The following SEPTIN11 variants were observed in gnomAD, a reference collection of about 807,000 sequenced individuals.
The protein encoded by SEPTIN11 is septin-11.
A neutral mutation model predicts 51.4 loss-of-function variants in SEPTIN11; 25 were observed. That is an observed-to-expected ratio of 0.49 (90% CI 0.35 to 0.68). The LOEUF (loss-of-function observed/expected upper bound fraction) is 0.68. Among genes scored for constraint, SEPTIN11 ranks in the 30% least tolerant of loss-of-function variants. SEPTIN11 has a pLI of 0.00. For synonymous variants in SEPTIN11, 174 were observed against 184.1 expected (o/e 0.95, Z 0.44); for missense variants, 381 against 520.8 (o/e 0.73, Z 2.61).
Position 77,038,308 on chromosome 4 carries a change from G to T in SEPTIN11, c.*3796G>T. The T allele has an allele frequency of 1.0e-6, 1 of 985,578 alleles. No individual in the cohort carries two copies. Among genetic ancestry groups the T allele is most frequent in the South Asian group, 4.7e-5 (1 of 21,278 alleles). 61.1% of individuals were successfully genotyped at this position (985,578 alleles called of 1,614,324 possible). On this transcript the variant is annotated 3_prime_UTR_variant, in exon 10 of 10. Transcript: ENST00000264893. ...TGATATGCCTTAAACTGTAGTTGTA[G>T]ATCCTTGTCATTTTGCTGTTTGAAA...
intron 1 of SEPTIN11, among the ~76,000 whole-genome samples, chr4:76,964,432 T>C (rs72858635): frequency 0.011 from 1,605 of 152,108 alleles, 22 homozygotes; most frequent in African/African-American, 0.037. Flanking sequence ...CCAAATTATT[T>C]TGAAGCAAAT....
chr4:76,983,853 C>G (rs1027396172), intron 1 of SEPTIN11, among the ~76,000 whole-genome samples: 21 of 152,060 alleles, frequency 1.4e-4, no homozygotes, highest in African/African-American at 4.6e-4. Context: ...ACTAAAAATA[C>G]AAAAATTAGC....
chr4:76,958,493 CACAT>C (rs1434747776), intron 1 of SEPTIN11, among the ~76,000 whole-genome samples: 5 of 152,228 alleles, frequency 3.3e-5, no homozygotes, highest in South Asian at 2.1e-4. Flanking sequence ...TCCCAGGACT[CACAT>C]GCATGCAAGT....
Position 77,038,365 on chromosome 4 carries a change from A to C in SEPTIN11, c.*3853A>C. The C allele has an allele frequency of 1.0e-6, 1 of 985,886 alleles. No homozygotes were observed. 61.1% of individuals were successfully genotyped at this position (985,886 alleles called of 1,614,324 possible). A position where few individuals can be genotyped will look rare whatever the true frequency, so the allele number is the denominator to read the frequency against. On this transcript the variant is annotated 3_prime_UTR_variant, in exon 10 of 10. Coordinates refer to ENST00000264893, the MANE Select transcript of SEPTIN11 (RefSeq NM_018243.4). ...AATGTGTTTTCTAAAACTGTCGTGT[A>C]ATCTACTTTCATTGTTAATGCAGAA...
intron 5 of SEPTIN11, among the ~76,000 whole-genome samples, chr4:77,016,872 G>C (rs1248188724): frequency 1.3e-5 from 2 of 151,582 alleles, no homozygotes; most frequent in African/African-American, 4.8e-5. Context: ...GATATTATAA[G>C]TAATTTAGAG....
chr4:76,962,849 A>G (rs1721879793), intron 1 of SEPTIN11, among the ~76,000 whole-genome samples: 1 of 151,874 alleles, frequency 6.6e-6, no homozygotes, highest in African/African-American at 2.4e-5. Context: ...ACACTCACAT[A>G]CCCCACATGG....
intron 1 of SEPTIN11, among the ~76,000 whole-genome samples, chr4:76,968,360 G>A (rs1722112820): frequency 6.6e-6 from 1 of 152,130 alleles, no homozygotes; most frequent in African/African-American, 2.4e-5. Context: ...TGAGGCCTAA[G>A]GACTTAAGTT....
chr4:76,991,601 C>T (rs1204539540), intron 1 of SEPTIN11, among the ~76,000 whole-genome samples: 1 of 152,206 alleles, frequency 6.6e-6, no homozygotes, highest in Non-Finnish European at 1.5e-5. Flanking sequence ...CAGAAGGGTT[C>T]TGCAAGCTGG....
chr4:76,977,209 A>G (rs540310730), intron 1 of SEPTIN11, among the ~76,000 whole-genome samples: 1 of 134,990 alleles, frequency 7.4e-6, no homozygotes, highest in Non-Finnish European at 1.5e-5. Context: ...TACACTTACA[A>G]AAATATTACT....
intron 1 of SEPTIN11, among the ~76,000 whole-genome samples, chr4:76,983,126 A>T (rs188871537): frequency 1.3e-5 from 2 of 152,230 alleles, no homozygotes; most frequent in East Asian, 1.9e-4. Flanking sequence ...AGAACTTGTG[A>T]ATATCACTCC....
rs893177322 is a variant in SEPTIN11, at chr4:76,949,812, C to A, written c.-92C>A. On this transcript the variant is annotated 5_prime_UTR_variant, in exon 1 of 10. Coordinates refer to ENST00000264893, the MANE Select transcript of SEPTIN11 (RefSeq NM_018243.4). ...GAGCAGAGCGCAGCCGCGAGGGAGG[C>A]GCGAGGGAGGCGAGCCGGAGCCCGA... The A allele has an allele frequency of 1.4e-6, 2 of 1,382,032 alleles. No homozygotes were observed. The highest frequency in any genetic ancestry group is 1.5e-5 in the African/African-American group (1 of 66,104). 85.6% of individuals were successfully genotyped at this position (1,382,032 alleles called of 1,614,324 possible). A position where few individuals can be genotyped will look rare whatever the true frequency, so the allele number is the denominator to read the frequency against.
chr4:76,958,716 G>C, intron 1 of SEPTIN11: 1 of 543,042 alleles, frequency 1.8e-6, no homozygotes, highest in Non-Finnish European at 3.3e-6. Flanking sequence ...GGTTTTTGTT[G>C]TTGTTGTTGT....
At position 77,036,732 on chromosome 4, in the gene SEPTIN11, TTC is replaced by T; in HGVS notation, c.*2222_*2223del. On this transcript the variant is annotated 3_prime_UTR_variant, in exon 10 of 10. Transcript: ENST00000264893. ...CCTGTTTAGTTTGTTATTGCTGCTT[TTC>T]TTTTTTCTTTCTGTATCTATGCCTT... The T allele has an allele frequency of 6.5e-7, 1 of 1,535,452 alleles. No homozygotes were observed. Among genetic ancestry groups the T allele is most frequent in the Non-Finnish European group, 8.7e-7 (1 of 1,146,806 alleles).
chr4:77,024,677 A>G lies in SEPTIN11; in HGVS notation c.954-3952A>G, dbSNP rs1413676041. Among the ~76,000 whole-genome samples the G allele has an allele frequency of 6.6e-6, 1 of 152,150 alleles. No homozygotes were observed. Among genetic ancestry groups the G allele is most frequent in the African/African-American group, 2.4e-5 (1 of 41,424 alleles). ...CAGAGGCCAACGAGGTCCAGGCCCC[A>G]GAGACTCACTTGTTTTTAGGAGTGC... is the stretch of plus-strand genomic sequence containing the variant. On this transcript the variant is annotated intron_variant, in intron 7 of 9. Coordinates refer to ENST00000264893, the MANE Select transcript of SEPTIN11 (RefSeq NM_018243.4). The surrounding 1 kb of genome is among the most constrained non-coding windows in gnomAD (Gnocchi z 4.2).
At chr4:76,994,900 CT>C (rs55728971) in intron 1 of SEPTIN11, among the ~76,000 whole-genome samples, 21,087 of 54,540 alleles carry the variant, frequency 0.39, 2,909 homozygotes, top group Non-Finnish European at 0.46. Flanking sequence ...CTGTACAAAG[CT>C]TTTTTTTTTT....
At chr4:77,012,899 G>A (rs1016581708) in intron 4 of SEPTIN11, among the ~76,000 whole-genome samples, 1 of 152,222 alleles carries the variant, frequency 6.6e-6, no homozygotes, top group Non-Finnish European at 1.5e-5. Context: ...ACTGCAGCTA[G>A]AGTACTCTTC....
intron 4 of SEPTIN11, among the ~76,000 whole-genome samples, chr4:77,012,703 G>C (rs532949919): frequency 2.0e-5 from 3 of 152,312 alleles, no homozygotes; most frequent in African/African-American, 7.2e-5. Flanking sequence ...CACTGATAAA[G>C]ATGCTGTCTC....
chr4:77,026,837 C>T (rs60839265), intron 7 of SEPTIN11, among the ~76,000 whole-genome samples: 1 of 152,172 alleles, frequency 6.6e-6, no homozygotes, highest in African/African-American at 2.4e-5. Context: ...TTATTATAAG[C>T]TAATATGCAA....
chr4:77,029,335 AGT>A (rs71767856), intron 8 of SEPTIN11, among the ~76,000 whole-genome samples: 5,815 of 149,356 alleles, frequency 0.039, 145 homozygotes, highest in East Asian at 0.098. Context: ...ATTGTATTTG[AGT>A]GTGTGTGTGT....
Sources: gnomAD v4.1 joint callset for allele counts (sites outside exome capture counted in the v4.1 genomes callset) on GRCh38, gnomAD v4.1.1 for gene constraint, Gnocchi (gnomAD v3.1) non-coding constraint, MANE v1.5 for transcripts, NCBI Gene and HGNC (gene_info 2026-07-23, HGNC 2026-07-21) for gene names.